The following SPEN variants were observed in gnomAD, a reference collection of about 807,000 sequenced individuals.
The protein encoded by SPEN is msx2-interacting protein.
In SPEN, 18 loss-of-function variants were observed where a neutral mutation model predicts 269.9. The ratio of observed to expected loss-of-function variants is 0.07; its 90% confidence interval spans 0.05 to 0.10. The LOEUF (loss-of-function observed/expected upper bound fraction) is 0.10, where lower values mean the gene tolerates loss of function less well. Among genes scored for constraint, SPEN ranks in the 10% least tolerant of loss-of-function variants. The pLI is 1.00. For synonymous variants in SPEN, 1,726 were observed against 1,765.7 expected, an observed-to-expected ratio of 0.98 and a Z score of 0.56; for missense variants, 3,822 against 4,631.2, an observed-to-expected ratio of 0.83 and a Z score of 5.07.
intron 1 of SPEN, among the ~76,000 whole-genome samples, chr1:15,866,033 A>C (rs1298055501): frequency 6.6e-6 from 1 of 151,976 alleles, no homozygotes; most frequent in Admixed American, 6.6e-5. Flanking sequence ...TTTATGGTTT[A>C]GGGATTTTAT....
Position 15,928,208 on chromosome 1 carries a change from G to A in SPEN, c.1968G>A (p.Glu656=), listed in dbSNP as rs1334438844. 1 of 1,614,192 alleles carries A rather than the reference G, an allele frequency of 6.2e-7. No homozygotes were observed. Among genetic ancestry groups the A allele is most frequent in the Non-Finnish European group, 8.5e-7 (1 of 1,180,044 alleles). The part of the protein sequence containing the change: ...SRRDYPARGR[E]FYSEWETYQG... ...GGGACTATCCAGCTCGAGGGAGAGA[G>A]TTTTATTCAGAATGGGAAACTTACC... Residue 656 remains glutamate, a synonymous_variant, in exon 11 of 15, where the codon GAG becomes GAA. Coordinates refer to ENST00000375759, the MANE Select transcript of SPEN (RefSeq NM_015001.3). This position sits in a 1 kb window ranked among gnomAD's most constrained non-coding sequence, Gnocchi z 5.7.
chr1:15,906,394 A>G (rs1257489242), intron 3 of SPEN, among the ~76,000 whole-genome samples: 1 of 151,716 alleles, frequency 6.6e-6, no homozygotes, highest in Non-Finnish European at 1.5e-5. Context: ...CTACATTTCA[A>G]ACCACTATCA....
At chr1:15,853,071 T>C (rs1436125392) in intron 1 of SPEN, among the ~76,000 whole-genome samples, 3 of 152,318 alleles carry the variant, frequency 2.0e-5, no homozygotes, top group East Asian at 3.9e-4. Context: ...GCCCTGGTCT[T>C]GAACTCCTGG....
At position 15,939,509 on chromosome 1, in the gene SPEN, G is replaced by T. The variant is rs2071315037; in HGVS notation, c.*82G>T. 2.8e-6 allele frequency: 4 copies of T among 1,439,146 alleles called. No homozygotes were observed. The highest frequency in any genetic ancestry group is 2.8e-6 in the Non-Finnish European group (3 of 1,085,600). The allele number at this position is 1,439,146 out of a possible 1,614,324, so 89.1% of individuals were successfully genotyped here. A position where few individuals can be genotyped will look rare whatever the true frequency, so the allele number is the denominator to read the frequency against. The stretch of plus-strand genomic sequence containing the variant: ...AGGACAACCCAGCCAAGCAGAGGAA[G>T]AAGCTGCCGAAGGGGACAGACTCCA... On this transcript the variant is annotated 3_prime_UTR_variant, in exon 15 of 15. Coordinates refer to ENST00000375759, the MANE Select transcript of SPEN (RefSeq NM_015001.3). This position sits in a 1 kb window ranked among gnomAD's most constrained non-coding sequence, Gnocchi z 4.1.
Position 15,935,749 on chromosome 1 carries a change from C to T in SPEN, c.9509C>T (p.Thr3170Ile). The T allele has an allele frequency of 5.0e-6, 8 of 1,613,646 alleles. No homozygotes were observed. Among genetic ancestry groups the T allele is most frequent in the Non-Finnish European group, 6.8e-6 (8 of 1,179,816 alleles). Residue 3170 changes from threonine to isoleucine, a missense_variant, in exon 11 of 15, where the codon ACA becomes ATA. Coordinates refer to ENST00000375759, the MANE Select transcript of SPEN (RefSeq NM_015001.3). This position sits in a 1 kb window ranked among gnomAD's most constrained non-coding sequence, Gnocchi z 7.7. ...VHYHLPVARA[T>I]APVQSEVLVM... ...TATCACCTTCCTGTCGCTCGAGCCA[C>T]AGCCCCTGTGCAGTCAGAGGTACTA...
In SPEN at chr1:15,939,526, C is replaced by G; in HGVS notation, c.*99C>G. 3 of 1,386,838 alleles carry G rather than the reference C, an allele frequency of 2.2e-6. No individual in the cohort carries two copies. Among genetic ancestry groups the G allele is most frequent in the Non-Finnish European group, 2.9e-6 (3 of 1,047,146 alleles). 85.9% of individuals were successfully genotyped at this position (1,386,838 alleles called of 1,614,324 possible). A position where few individuals can be genotyped will look rare whatever the true frequency, so the allele number is the denominator to read the frequency against. ...CAGAGGAAGAAGCTGCCGAAGGGGA[C>G]AGACTCCACTGCCAGACGGCCAGCC... On this transcript the variant is annotated 3_prime_UTR_variant, in exon 15 of 15. Transcript: ENST00000375759. This position sits in a 1 kb window ranked among gnomAD's most constrained non-coding sequence, Gnocchi z 4.1.
rs551803954 is a variant in SPEN, at chr1:15,896,078, A to T, written c.882-13243A>T. On this transcript the variant is annotated intron_variant, in intron 3 of 14. Transcript: ENST00000375759. ...CTGCCAAAATAAGGCACTTTTATAA[A>T]ATGCAGTATTTTAATGATTTTTTTC... 1.8e-3 allele frequency among the ~76,000 whole-genome samples: 271 copies of T among 152,124 alleles called. 2 individuals carry two copies. Among genetic ancestry groups the T allele is most frequent in the Non-Finnish European group, 2.7e-3 (184 of 68,000 alleles).
chr1:15,930,390 G>A lies in SPEN; in HGVS notation c.4150G>A (p.Glu1384Lys), dbSNP rs764593579. The A allele has an allele frequency of 1.9e-6, 3 of 1,613,732 alleles. No individual in the cohort carries two copies. The highest frequency in any genetic ancestry group is 2.5e-6 in the Non-Finnish European group (3 of 1,179,766). The change falls in exon 11 of 15, where the codon GAA becomes AAA. Residue 1384 changes from glutamate to lysine, a missense_variant. Physicochemically the swap from Glu to Lys is moderately conservative, Grantham distance 56. This residue lies in a region of SPEN where 267 missense variants were observed against 315.5 expected (regional missense o/e 0.85). Transcript: ENST00000375759. The surrounding 1 kb of genome is among the most constrained non-coding windows in gnomAD (Gnocchi z 5.3). Reference protein sequence around the residue: ...EPGEVPSDSDEDGEHKSHSPR... With the variant: ...EPGEVPSDSDKDGEHKSHSPR... Reference sequence around the variant, plus strand: ...TGGTGAGGTGCCTTCTGATTCTGACGAAGATGGTGAACACAAATCCCACTC... The same window carrying A: ...TGGTGAGGTGCCTTCTGATTCTGACAAAGATGGTGAACACAAATCCCACTC...
rs2070990571 is a variant in SPEN, at chr1:15,909,344, GTGA to G, written c.910_912del (p.Asp304del). On this transcript the variant is annotated inframe_deletion, in exon 4 of 15. Coordinates refer to ENST00000375759, the MANE Select transcript of SPEN (RefSeq NM_015001.3). Reference sequence around the variant, plus strand: ...AGCAGTGATTCCAGCAGTAGTTCAAGTGATGATTCTCCAGCTCGATCAGTTCAG... The same window carrying G: ...AGCAGTGATTCCAGCAGTAGTTCAAGTGATTCTCCAGCTCGATCAGTTCAG... 2 of 1,612,460 alleles carry G rather than the reference GTGA, an allele frequency of 1.2e-6. No homozygotes were observed. Among genetic ancestry groups the G allele is most frequent in the African/African-American group, 2.7e-5 (2 of 74,882 alleles).
intron 1 of SPEN, among the ~76,000 whole-genome samples, chr1:15,866,944 G>T (rs1012238105): frequency 1.3e-5 from 2 of 152,056 alleles, no homozygotes; most frequent in African/African-American, 4.8e-5. Context: ...TGAAGGACAG[G>T]GACAGGTATT....
At chr1:15,878,140 G>A (rs1054977117) in intron 3 of SPEN, among the ~76,000 whole-genome samples, 1 of 151,996 alleles carries the variant, frequency 6.6e-6, no homozygotes, top group Non-Finnish European at 1.5e-5. Flanking sequence ...CCTAGTATAT[G>A]TTAAAAAAAA....
Position 15,929,967 on chromosome 1 carries a change from C to A in SPEN, c.3727C>A (p.Arg1243=). 4 of 1,614,100 alleles carry A rather than the reference C, an allele frequency of 2.5e-6. No individual in the cohort carries two copies. Among genetic ancestry groups the A allele is most frequent in the Non-Finnish European group, 3.4e-6 (4 of 1,180,040 alleles). Residue 1243 remains arginine, a synonymous_variant, in exon 11 of 15, where the codon CGG becomes AGG. Coordinates refer to ENST00000375759, the MANE Select transcript of SPEN (RefSeq NM_015001.3). The surrounding 1 kb of genome is among the most constrained non-coding windows in gnomAD (Gnocchi z 5.8). ...TTTTGATATCTGCACCAAGCGAGAACGGAATTACAGAAGTTCACGCCAAAT... is the reference window on the plus strand; with the variant it reads ...TTTTGATATCTGCACCAAGCGAGAAAGGAATTACAGAAGTTCACGCCAAAT... ...VDFDICTKRE[R]NYRSSRQISE...
At chr1:15,869,160 G>A (rs749401639) in intron 1 of SPEN, among the ~76,000 whole-genome samples, 3 of 152,056 alleles carry the variant, frequency 2.0e-5, no homozygotes, top group African/African-American at 4.8e-5. Flanking sequence ...AGGTTCAAGC[G>A]ATTCCCCTGC....
chr1:15,878,311 G>A (rs2070652744), intron 3 of SPEN, among the ~76,000 whole-genome samples: 1 of 152,136 alleles, frequency 6.6e-6, no homozygotes, highest in Non-Finnish European at 1.5e-5. Context: ...GTAGTTGAAT[G>A]TCTGTTTTTA....
intron 1 of SPEN, among the ~76,000 whole-genome samples, chr1:15,871,259 C>T (rs898591550): frequency 6.6e-6 from 1 of 152,182 alleles, no homozygotes; most frequent in Non-Finnish European, 1.5e-5. Context: ...TGAGCCACCA[C>T]GCCTGGCCTC....
At chr1:15,916,988 G>A (rs753087780) in intron 6 of SPEN, among the ~76,000 whole-genome samples, 23 of 152,076 alleles carry the variant, frequency 1.5e-4, no homozygotes, top group Non-Finnish European at 3.2e-4. Context: ...TTAGCTGGGC[G>A]TTGGTGGCTT....
intron 9 of SPEN, 34 bp downstream of exon 9, chr1:15,921,017 A>G (rs1256802506): frequency 1.4e-6 from 2 of 1,405,276 alleles, no homozygotes; most frequent in Middle Eastern, 1.8e-4. Flanking sequence ...AAGCAAAACA[A>G]AGTCCTATTC....
rs1397956142 is a variant in SPEN at position 15,919,409 on chromosome 1, T to C, written c.1527T>C (p.Gly509=). ...EYLGNNRLKL[G]FGKSMPTNCV... is the part of the protein sequence containing the mutation. The stretch of plus-strand genomic sequence containing the variant: ...ATTTTGCCTTTTATATTCAGCTGGG[T>C]TTTGGAAAGAGCATGCCTACAAACT... Residue 509 remains glycine (G), a synonymous_variant, in exon 8 of 15, where the codon GGT becomes GGC. Coordinates refer to ENST00000375759, the MANE Select transcript of SPEN (RefSeq NM_015001.3). 1 of 1,592,834 alleles carries C rather than the reference T, an allele frequency of 6.3e-7. No individual in the cohort carries two copies. The highest frequency in any genetic ancestry group is 1.2e-5 in the South Asian group (1 of 86,632).
intron 1 of SPEN, among the ~76,000 whole-genome samples, chr1:15,860,442 AGTGTGTGTGTGT>A (rs71574142): frequency 5.0e-5 from 6 of 120,092 alleles, no homozygotes; most frequent in Middle Eastern, 4.7e-3. Context: ...GTCCCACTGT[AGTGTGTGTGTGT>A]GTGTGTGTGT....
Sources: allele counts gnomAD v4.1 joint callset (sites outside exome capture counted in the v4.1 genomes callset), GRCh38; gene constraint gnomAD v4.1.1; regional missense constraint gnomAD v4.1.1; non-coding constraint Gnocchi (gnomAD v3.1); transcripts MANE v1.5; gene names NCBI Gene and HGNC (gene_info 2026-07-23, HGNC 2026-07-21).